The following SEPTIN14 variants were observed in gnomAD, a reference collection of about 807,000 sequenced individuals.
The protein encoded by SEPTIN14 is septin 14, also known as septin-14.
SEPTIN14 carries 40 observed loss-of-function variants against 53.6 expected under a neutral mutation model. That is an observed-to-expected ratio of 0.75 (90% CI 0.58 to 0.97). The LOEUF is 0.97. Ranked by LOEUF, SEPTIN14 falls within the 50% of genes least tolerant of loss-of-function variation. The probability of loss-of-function intolerance (pLI) is 0.00; values close to 1 mark genes in which losing one functional copy is unlikely to be tolerated. For missense variants in SEPTIN14, 471 were observed against 508.2 expected (o/e 0.93, Z 0.70); for synonymous variants, 138 against 166.8 (o/e 0.83, Z 1.33).
intron 5 of SEPTIN14, among the ~76,000 whole-genome samples, chr7:55,837,819 G>C (rs1253983303): frequency 6.6e-6 from 1 of 152,188 alleles, no homozygotes. Flanking sequence ...CTGACCTCAG[G>C]TGATCTACCT....
Position 55,843,128 on chromosome 7 carries a change from G to A in SEPTIN14, c.372C>T (p.Ser124=). 6.4e-7 allele frequency: 1 copy of A among 1,555,684 alleles called. No homozygotes were observed. Reference sequence around the variant, plus strand: ...CTATGTAGTCAACTATTGGTTGGTAGCTAAAAAAAAATTTATACATTTAGC... The same window carrying A: ...CTATGTAGTCAACTATTGGTTGGTAACTAAAAAAAAATTTATACATTTAGC... The part of the protein sequence containing the change: ...GYGDQIDKEA[S]YQPIVDYIDA... Residue 124 remains serine, a splice_region_variant and synonymous_variant, in exon 5 of 10, where the codon AGC becomes AGT. Transcript: ENST00000388975.
At chr7:55,805,201 C>A in intron 9 of SEPTIN14, 57 bp downstream of exon 9, 2 of 1,490,932 alleles carry the variant, frequency 1.3e-6, no homozygotes, top group East Asian at 2.3e-5. Flanking sequence ...TTAAAACCCC[C>A]AAATTAATAG....
At chr7:55,796,906 C>G (rs1253315174) in intron 9 of SEPTIN14, among the ~76,000 whole-genome samples, 2 of 151,934 alleles carry the variant, frequency 1.3e-5, no homozygotes, top group African/African-American at 2.4e-5. Flanking sequence ...AGGCAGATCA[C>G]AAGGTCAGGA....
At chr7:55,832,400 C>T (rs1305825404) in intron 6 of SEPTIN14, among the ~76,000 whole-genome samples, 2 of 152,106 alleles carry the variant, frequency 1.3e-5, no homozygotes, top group Non-Finnish European at 2.9e-5. Flanking sequence ...AGTGATTATA[C>T]TACTAGGCAT....
intron 7 of SEPTIN14, among the ~76,000 whole-genome samples, chr7:55,808,420 T>A (rs1788642960): frequency 1.3e-5 from 2 of 152,226 alleles, no homozygotes; most frequent in Admixed American, 1.3e-4. Context: ...TCATATTATT[T>A]CCCAAAATGG....
intron 8 of SEPTIN14, 25 bp from the exon 9 acceptor site, chr7:55,805,415 T>A: frequency 6.6e-7 from 1 of 1,514,858 alleles, no homozygotes. Context: ...TTTCTTAGTC[T>A]TATATTAAAA....
At chr7:55,825,089 C>T (rs1056901828) in intron 6 of SEPTIN14, among the ~76,000 whole-genome samples, 3 of 152,142 alleles carry the variant, frequency 2.0e-5, no homozygotes, top group African/African-American at 7.2e-5. Flanking sequence ...AACTTGAAAG[C>T]ATCCAAGATG....
intron 5 of SEPTIN14, among the ~76,000 whole-genome samples, chr7:55,835,596 C>T (rs1027520860): frequency 7.9e-5 from 12 of 151,960 alleles, no homozygotes; most frequent in Admixed American, 6.6e-4. Context: ...GGATTTTGTC[C>T]TTCTACTTTT....
chr7:55,841,784 G>A lies in SEPTIN14; in HGVS notation c.558+1158C>T, dbSNP rs946768645. ...GCAGGAGAATCGCTTGAACCCAGGAGGTGGAGGTTGCAGTGAGCCCAGATC... is the reference window on the plus strand; with the variant it reads ...GCAGGAGAATCGCTTGAACCCAGGAAGTGGAGGTTGCAGTGAGCCCAGATC... On this transcript the variant is annotated intron_variant, in intron 5 of 9. Coordinates refer to ENST00000388975, the MANE Select transcript of SEPTIN14 (RefSeq NM_207366.3). Among the ~76,000 whole-genome samples, 4 of 151,714 alleles carry A rather than the reference G, an allele frequency of 2.6e-5. No individual in the cohort carries two copies. In the East Asian group the frequency reaches 5.8e-4, roughly 22 times the overall value.
chr7:55,816,003 A>C (rs955090485), intron 7 of SEPTIN14, among the ~76,000 whole-genome samples: 6 of 152,246 alleles, frequency 3.9e-5, no homozygotes, highest in Non-Finnish European at 7.3e-5. Flanking sequence ...TACATGATGG[A>C]GTACTATTCA....
intron 5 of SEPTIN14, among the ~76,000 whole-genome samples, chr7:55,841,650 G>T (rs2116046951): frequency 6.6e-6 from 1 of 152,190 alleles, no homozygotes; most frequent in East Asian, 1.9e-4. Flanking sequence ...GAGGTCGGGA[G>T]TTCGAGACCA....
intron 2 of SEPTIN14, among the ~76,000 whole-genome samples, chr7:55,856,935 TG>T (rs1350988914): frequency 6.6e-6 from 1 of 151,408 alleles, no homozygotes; most frequent in African/African-American, 2.4e-5. Context: ...TAGCTGGGCG[TG>T]GTGCATGCCT....
chr7:55,826,684 C>T (rs534065525), intron 6 of SEPTIN14, among the ~76,000 whole-genome samples: 2 of 151,914 alleles, frequency 1.3e-5, no homozygotes, highest in East Asian at 3.9e-4. Flanking sequence ...GTAATCCCAG[C>T]TACTCAGGAG....
chr7:55,855,056 C>T (rs183685363), intron 2 of SEPTIN14, among the ~76,000 whole-genome samples: 6,040 of 150,400 alleles, frequency 0.04, 153 homozygotes, highest in Admixed American at 0.06. Context: ...TCGCCCAGGC[C>T]GGAGTGCAGT....
At chr7:55,806,964 G>A in intron 8 of SEPTIN14, 126 bp downstream of exon 8, 1 of 619,920 alleles carries the variant, frequency 1.6e-6, no homozygotes, top group Non-Finnish European at 2.7e-6. Context: ...TAACATTCAG[G>A]TGTTTTCTTT....
At chr7:55,804,003 G>A (rs1205394600) in intron 9 of SEPTIN14, among the ~76,000 whole-genome samples, 2 of 150,858 alleles carry the variant, frequency 1.3e-5, no homozygotes, top group Non-Finnish European at 3.0e-5. Flanking sequence ...GGGCACGGTG[G>A]TGAGCGCCTG....
Position 55,846,504 on chromosome 7 carries a change from G to T in SEPTIN14, c.175+13C>A, listed in dbSNP as rs374648138. On this transcript the variant is annotated intron_variant, in intron 3 of 9. Transcript: ENST00000388975. ...AATGAAGGAATAATTCAAATGAGGT[G>T]TTTGACACTTACCCACACAGAGAAT... 403 of 1,563,478 alleles carry T rather than the reference G, an allele frequency of 2.6e-4. 2 individuals are homozygous for T. The African/African-American group carries it at 4.9e-3, about 19-fold the overall frequency.
chr7:55,830,377 C>T (rs1789088488), intron 6 of SEPTIN14, among the ~76,000 whole-genome samples: 1 of 109,222 alleles, frequency 9.2e-6, no homozygotes, highest in South Asian at 2.7e-4. Context: ...GACGGAGTCT[C>T]GCTCTGTCTA....
intron 5 of SEPTIN14, among the ~76,000 whole-genome samples, chr7:55,842,496 G>A (rs928290728): frequency 3.9e-5 from 6 of 151,910 alleles, no homozygotes; most frequent in Admixed American, 2.6e-4. Context: ...CCAGTTGCTC[G>A]GATGGCTAAG....
Sources: allele counts gnomAD v4.1 joint callset (sites outside exome capture counted in the v4.1 genomes callset), GRCh38; gene constraint gnomAD v4.1.1; transcripts MANE v1.5; gene names NCBI Gene and HGNC (gene_info 2026-07-23, HGNC 2026-07-21).